Variants in TPRG1 observed in about 807,000 individuals in gnomAD.
TPRG1 encodes the protein tumor protein p63-regulated gene 1 protein.
In TPRG1, 29 loss-of-function variants were observed where a neutral mutation model predicts 29.3. That is an observed-to-expected ratio of 0.99 (90% CI 0.74 to 1.35). TPRG1 has a LOEUF of 1.35. Ranked by LOEUF, TPRG1 falls within the 40% of genes most tolerant of loss-of-function variation. The probability of loss-of-function intolerance (pLI) is 0.00; values close to 1 mark genes in which losing one functional copy is unlikely to be tolerated. For missense variants in TPRG1, 327 were observed against 335.0 expected (o/e 0.98, Z 0.19); for synonymous variants, 130 against 116.8 (o/e 1.11, Z -0.73).
intron 4 of TPRG1, among the ~76,000 whole-genome samples, chr3:189,024,346 C>A (rs950829730): frequency 6.6e-6 from 1 of 152,176 alleles, no homozygotes; most frequent in African/African-American, 2.4e-5. Context: ...CTCTCCAAAG[C>A]CTCTAGGCTG....
At chr3:189,141,160 C>A (rs1303982445) in intron 3 of TPRG1, among the ~76,000 whole-genome samples, 1 of 152,108 alleles carries the variant, frequency 6.6e-6, no homozygotes, top group Non-Finnish European at 1.5e-5. Flanking sequence ...AGAAAAAATC[C>A]TTTTTTCAAG....
chr3:189,092,444 T>TTC (rs1718398035), intron 4 of TPRG1, among the ~76,000 whole-genome samples: 1 of 112,634 alleles, frequency 8.9e-6, no homozygotes, highest in African/African-American at 4.5e-5. Flanking sequence ...TGAAATTTCT[T>TTC]TTTTTTTTTT....
At chr3:189,212,129 C>T (rs1301963912) in intron 2 of TPRG1, 1 of 152,050 alleles carries the variant, frequency 6.6e-6, no homozygotes, top group Non-Finnish European at 1.5e-5. Context: ...GATACCTTAT[C>T]AGAAAGTTGA....
At chr3:189,235,338 G>C (rs1329674779) in intron 3 of TPRG1, among the ~76,000 whole-genome samples, 2 of 151,456 alleles carry the variant, frequency 1.3e-5, no homozygotes, top group African/African-American at 2.4e-5. Flanking sequence ...CCTAGAGTGA[G>C]AGTGATTGCA....
upstream of TPRG1, among the ~76,000 whole-genome samples, chr3:189,170,903 C>T (rs930080713): frequency 1.3e-5 from 2 of 152,166 alleles, no homozygotes; most frequent in Admixed American, 6.5e-5. Flanking sequence ...ACTTTGTCAG[C>T]GCACACCCGT....
At chr3:189,055,844 A>G (rs1428400907) in intron 4 of TPRG1, among the ~76,000 whole-genome samples, 1 of 152,048 alleles carries the variant, frequency 6.6e-6, no homozygotes, top group Admixed American at 6.6e-5. Flanking sequence ...TACACCCATT[A>G]TGATCTGGCT....
intron 1 of TPRG1, chr3:189,191,083 C>A (rs1731621606): frequency 4.0e-6 from 2 of 500,464 alleles, no homozygotes; most frequent in Non-Finnish European, 5.2e-6. Context: ...CGTAAATATA[C>A]ATGTATTCTT....
At chr3:189,137,550 A>C (rs1257316290) in intron 3 of TPRG1, among the ~76,000 whole-genome samples, 3 of 152,122 alleles carry the variant, frequency 2.0e-5, no homozygotes, top group Non-Finnish European at 4.4e-5. Context: ...TACATTCCAC[A>C]CAGCCCTTAT....
intron 3 of TPRG1, among the ~76,000 whole-genome samples, chr3:189,229,075 C>T (rs1310583237): frequency 1.3e-5 from 2 of 152,106 alleles, no homozygotes; most frequent in African/African-American, 4.8e-5. Flanking sequence ...ATGTATAGGA[C>T]TTGTATACTG....
intron 1 of TPRG1, among the ~76,000 whole-genome samples, chr3:189,109,953 G>A (rs989169259): frequency 6.6e-6 from 1 of 152,140 alleles, no homozygotes; most frequent in East Asian, 1.9e-4. Context: ...TAATGCATTT[G>A]TAATTCATTC....
intron 4 of TPRG1, among the ~76,000 whole-genome samples, chr3:189,290,155 C>T (rs1399230077): frequency 6.6e-6 from 1 of 152,190 alleles, no homozygotes; most frequent in Non-Finnish European, 1.5e-5. Flanking sequence ...CATAGCCTGA[C>T]TTATAAGAAC....
intron 1 of TPRG1, among the ~76,000 whole-genome samples, chr3:189,109,553 C>T (rs1318178675): frequency 1.3e-5 from 2 of 152,106 alleles, no homozygotes; most frequent in Admixed American, 6.6e-5. Flanking sequence ...GTTCATCCAC[C>T]AGTCCAGCAG....
At chr3:189,204,832 A>G (rs575564843) in intron 1 of TPRG1, among the ~76,000 whole-genome samples, 11 of 152,126 alleles carry the variant, frequency 7.2e-5, no homozygotes, top group Non-Finnish European at 1.5e-4. Context: ...CCACTGTGAT[A>G]AAGGTGGCAG....
At chr3:189,106,922 A>C (rs752795018) in intron 1 of TPRG1, among the ~76,000 whole-genome samples, 1 of 152,126 alleles carries the variant, frequency 6.6e-6, no homozygotes, top group Non-Finnish European at 1.5e-5. Flanking sequence ...GTTTACTCTT[A>C]GACTAGTGTT....
At chr3:189,281,787 G>A (rs1426943873) in intron 4 of TPRG1, among the ~76,000 whole-genome samples, 2 of 152,042 alleles carry the variant, frequency 1.3e-5, no homozygotes, top group African/African-American at 4.8e-5. Context: ...CCATCTCAAG[G>A]CACCTACTGA....
In TPRG1 at chr3:189,207,288, T is replaced by C. The variant is rs973262762; in HGVS notation, c.-9-88T>C. 4.0e-6 allele frequency: 6 copies of C among 1,506,856 alleles called. No individual in the cohort carries two copies. The Admixed American group carries it at 6.2e-5, about 16-fold the overall frequency. The allele number at this position is 1,506,856 out of a possible 1,614,324, so 93.3% of individuals were successfully genotyped here. On this transcript the variant is annotated intron_variant, in intron 1 of 5. Coordinates refer to ENST00000345063, the MANE Select transcript of TPRG1 (RefSeq NM_198485.4). ...ATGTTTTTAAGTTTCAGGAATTCCG[T>C]TTGCTCATCATATTCTGTTTTGCCA...
chr3:189,256,937 A>C (rs1244460258), intron 4 of TPRG1, among the ~76,000 whole-genome samples: 1 of 152,114 alleles, frequency 6.6e-6, no homozygotes, highest in Admixed American at 6.5e-5. Flanking sequence ...CAGCATACTG[A>C]TGGGTCTTGA....
intron 4 of TPRG1, among the ~76,000 whole-genome samples, chr3:189,081,595 G>A (rs1717598454): frequency 6.6e-6 from 1 of 152,160 alleles, no homozygotes; most frequent in Non-Finnish European, 1.5e-5. Flanking sequence ...TAAAAATACA[G>A]ACCAAGAAAA....
intron 1 of TPRG1, among the ~76,000 whole-genome samples, chr3:189,191,980 A>G (rs935353420): frequency 3.3e-5 from 5 of 152,156 alleles, no homozygotes; most frequent in Non-Finnish European, 1.5e-5. Context: ...AACTGAACAC[A>G]CTGGGCTGCA....
Sources: gnomAD v4.1 joint callset for allele counts (sites outside exome capture counted in the v4.1 genomes callset) on GRCh38, gnomAD v4.1.1 for gene constraint, MANE v1.5 for transcripts, NCBI Gene and HGNC (gene_info 2026-07-23, HGNC 2026-07-21) for gene names.